The following ZSCAN18 variants were observed in gnomAD, a reference collection of about 807,000 sequenced individuals.
ZSCAN18 encodes zinc finger and SCAN domain-containing protein 18.
ZSCAN18 carries 16 observed loss-of-function variants against 31.1 expected under a neutral mutation model. The ratio of observed to expected loss-of-function variants is 0.51; its 90% CI spans 0.35 to 0.78. ZSCAN18 has a LOEUF of 0.78. Among genes scored for constraint, ZSCAN18 ranks in the 30% least tolerant of loss-of-function variants. The pLI, the probability that ZSCAN18 is intolerant of heterozygous loss-of-function variation, is 0.01. For synonymous variants in ZSCAN18, 375 were observed against 320.7 expected, an observed-to-expected ratio of 1.17 and a Z score of -1.81; for missense variants, 731 against 697.4, an observed-to-expected ratio of 1.05 and a Z score of -0.54.
chr19:58,116,315 A>G (rs1159372352), intron 1 of ZSCAN18, among the ~76,000 whole-genome samples: 1 of 150,486 alleles, frequency 6.6e-6, no homozygotes, highest in Admixed American at 6.7e-5. Flanking sequence ...TGTGGTCACA[A>G]GGATGGCTCT....
At chr19:58,091,265 C>CA (rs5828749) in intron 1 of ZSCAN18, among the ~76,000 whole-genome samples, 18,774 of 115,872 alleles carry the variant, frequency 0.16, 1,659 homozygotes, top group Middle Eastern at 0.22. Flanking sequence ...GACTCTGTCT[C>CA]AAAAAAAAAA....
chr19:58,087,466 G>C (rs931323245), intron 3 of ZSCAN18, 62 bp from the exon 4 acceptor site: 31 of 1,480,448 alleles, frequency 2.1e-5, no homozygotes, highest in Non-Finnish European at 2.9e-5. Flanking sequence ...GCCCTCAAGG[G>C]TCAAGGAGCC....
rs2074396452 is a variant in ZSCAN18 at position 58,090,854 on chromosome 19, T to G, written c.-119-468A>C. ...GTCCACCCGCCTCAGCCTCCCAAAG[T>G]GCTGGGATTACAGGTGTGAGCCACT... is the stretch of plus-strand genomic sequence containing the variant. On this transcript the variant is annotated intron_variant, in intron 1 of 6. Transcript: ENST00000601144. This position sits in a 1 kb window ranked among gnomAD's most constrained non-coding sequence, Gnocchi z 4.7. Among the ~76,000 whole-genome samples, 1 of 151,570 alleles carries G rather than the reference T, an allele frequency of 6.6e-6. No homozygotes were observed. The highest frequency in any genetic ancestry group is 1.5e-5 in the Non-Finnish European group (1 of 67,932).
intron 1 of ZSCAN18, chr19:58,107,822 C>G: frequency 1.0e-6 from 1 of 1,001,664 alleles, no homozygotes; most frequent in Non-Finnish European, 1.2e-6. Flanking sequence ...GGAAAACTTT[C>G]CCACACTAGA....
chr19:58,105,811 C>T (rs867877130), intron 1 of ZSCAN18, among the ~76,000 whole-genome samples: 3 of 152,046 alleles, frequency 2.0e-5, no homozygotes, highest in Middle Eastern at 3.2e-3. Flanking sequence ...GAAACCCTAT[C>T]TCTACTAAAA....
At chr19:58,095,982 G>C (rs921966139) in intron 1 of ZSCAN18, among the ~76,000 whole-genome samples, 1 of 152,180 alleles carries the variant, frequency 6.6e-6, no homozygotes, top group Non-Finnish European at 1.5e-5. Flanking sequence ...AGGAGGATGA[G>C]GCCATCTCAA....
chr19:58,118,208 GA>G, intron 1 of ZSCAN18: 1 of 852,488 alleles, frequency 1.2e-6, no homozygotes, highest in Non-Finnish European at 1.7e-6. Flanking sequence ...CTCACAGACA[GA>G]AAGAGCGACC....
chr19:58,118,211 A>G, intron 1 of ZSCAN18: 1 of 861,242 alleles, frequency 1.2e-6, no homozygotes, highest in Admixed American at 3.6e-5. Context: ...ACAGACAGAA[A>G]GAGCGACCAC....
chr19:58,095,472 C>T (rs964718230), intron 1 of ZSCAN18, among the ~76,000 whole-genome samples: 1 of 152,182 alleles, frequency 6.6e-6, no homozygotes, highest in Non-Finnish European at 1.5e-5. Context: ...CCCGTCCAGG[C>T]CCATAAGCCT....
rs2074339981 is a variant in ZSCAN18 at position 58,088,791 on chromosome 19, A to G, written c.450T>C (p.Asp150=). ...SPAGSSSILS[D]GVYERHMDPL... ...GGTCCATGTGCCTCTCGTACACTCC[A>G]TCGCTAAGAATTGAGGATGAGCCCG... The change falls in exon 3 of 7, where the codon GAT becomes GAC. Residue 150 remains aspartate (D), a synonymous_variant. Transcript: ENST00000601144. 7 of 1,612,616 alleles carry G rather than the reference A, an allele frequency of 4.3e-6. No individual in the cohort carries two copies. The highest frequency in any genetic ancestry group is 5.1e-6 in the Non-Finnish European group (6 of 1,179,970).
intron 1 of ZSCAN18, chr19:58,108,516 C>T (rs1481763547): frequency 1.0e-6 from 1 of 985,956 alleles, no homozygotes; most frequent in African/African-American, 1.7e-5. Flanking sequence ...TATAGGATTT[C>T]TCTCCTGTGT....
At chr19:58,094,053 C>T (rs573336145) in intron 1 of ZSCAN18, among the ~76,000 whole-genome samples, 1 of 152,180 alleles carries the variant, frequency 6.6e-6, no homozygotes, top group African/African-American at 2.4e-5. Context: ...GAGTGAGCCA[C>T]TGCAGCCAGC....
chr19:58,093,426 G>C (rs1160506064), intron 1 of ZSCAN18: 2 of 152,166 alleles, frequency 1.3e-5, no homozygotes, highest in African/African-American at 2.4e-5. Flanking sequence ...GGAGAAGCAG[G>C]ATAGCTAGGG....
chr19:58,106,196 G>C (rs1262245699), intron 1 of ZSCAN18, among the ~76,000 whole-genome samples: 1 of 152,122 alleles, frequency 6.6e-6, no homozygotes, highest in East Asian at 1.9e-4. Flanking sequence ...CGGCACAGGA[G>C]TTCAAGACCA....
intron 1 of ZSCAN18, among the ~76,000 whole-genome samples, chr19:58,106,218 A>G (rs1021178072): frequency 7.2e-5 from 11 of 152,026 alleles, no homozygotes; most frequent in Non-Finnish European, 1.6e-4. Context: ...CTTGAGCAAT[A>G]TGGTGAGATG....
At chr19:58,108,610 T>G in intron 1 of ZSCAN18, 1 of 985,704 alleles carries the variant, frequency 1.0e-6, no homozygotes. Flanking sequence ...CTCTCCAGTA[T>G]GAGTCCTCTG....
chr19:58,109,409 T>C, intron 1 of ZSCAN18: 1 of 1,179,908 alleles, frequency 8.5e-7, no homozygotes, highest in Non-Finnish European at 1.1e-6. Context: ...ATCTATTATA[T>C]CTGATGCTGT....
chr19:58,117,349 G>A (rs1166642524), intron 1 of ZSCAN18, among the ~76,000 whole-genome samples: 1 of 152,054 alleles, frequency 6.6e-6, no homozygotes, highest in Non-Finnish European at 1.5e-5. Flanking sequence ...TTTGTGGAGA[G>A]GGCAGCCCAG....
At chr19:58,093,985 G>A (rs1056858883) in intron 1 of ZSCAN18, among the ~76,000 whole-genome samples, 3 of 151,706 alleles carry the variant, frequency 2.0e-5, no homozygotes, top group Non-Finnish European at 2.9e-5. Flanking sequence ...GGCTGGTCTC[G>A]AACTGCTGAC....
Sources: allele counts gnomAD v4.1 joint callset (sites outside exome capture counted in the v4.1 genomes callset), GRCh38; gene constraint gnomAD v4.1.1; non-coding constraint Gnocchi (gnomAD v3.1); transcripts MANE v1.5; gene names NCBI Gene and HGNC (gene_info 2026-07-23, HGNC 2026-07-21).